The following BIN3 variants were observed in gnomAD, a reference collection of about 807,000 sequenced individuals.
The protein encoded by BIN3 is bridging integrator 3.
BIN3 carries 41 observed loss-of-function variants against 38.2 expected under a neutral mutation model. The ratio of observed to expected loss-of-function variants is 1.07; its 90% CI spans 0.84 to 1.39. BIN3 has a LOEUF of 1.39. Among genes scored for constraint, BIN3 ranks in the 40% most tolerant of loss-of-function variants. BIN3 has a pLI of 0.00. For synonymous variants in BIN3, 145 were observed against 122.6 expected, an observed-to-expected ratio of 1.18 and a Z score of -1.21; for missense variants, 361 against 324.3, an observed-to-expected ratio of 1.11 and a Z score of -0.87.
At chr8:22,639,827 T>C (rs575717826) in intron 2 of BIN3, among the ~76,000 whole-genome samples, 57 of 151,848 alleles carry the variant, frequency 3.8e-4, no homozygotes, top group Non-Finnish European at 6.6e-4. Context: ...GCTTGGGTGT[T>C]GTGATAATGC....
At chr8:22,644,437 A>G (rs933151320) in intron 2 of BIN3, among the ~76,000 whole-genome samples, 1 of 152,274 alleles carries the variant, frequency 6.6e-6, no homozygotes, top group African/African-American at 2.4e-5. Flanking sequence ...ACTCTTAGGA[A>G]AAGTATAGAC....
At chr8:22,662,909 G>A (rs773440484) in intron 1 of BIN3, among the ~76,000 whole-genome samples, 3 of 152,190 alleles carry the variant, frequency 2.0e-5, no homozygotes, top group Admixed American at 6.5e-5. Context: ...GGCCAAGACG[G>A]GTGGATTACT....
chr8:22,641,210 T>C (rs113326510), intron 2 of BIN3, among the ~76,000 whole-genome samples: 10 of 146,940 alleles, frequency 6.8e-5, no homozygotes, highest in Admixed American at 5.3e-4. Context: ...TATAAACACA[T>C]GTGCACGGAC....
intron 2 of BIN3, among the ~76,000 whole-genome samples, chr8:22,642,948 C>A (rs1309387060): frequency 2.6e-5 from 4 of 152,346 alleles, no homozygotes; most frequent in Admixed American, 6.5e-5. Context: ...CACTGCGAGT[C>A]CTTGCCACTC....
intron 6 of BIN3, chr8:22,625,937 A>G (rs1300788927): frequency 3.3e-5 from 5 of 149,814 alleles, no homozygotes; most frequent in Admixed American, 2.7e-4. Flanking sequence ...GGTAAGAGTA[A>G]TGAACAGTTT....
chr8:22,660,031 C>T (rs1240672182), intron 1 of BIN3, among the ~76,000 whole-genome samples: 1 of 152,126 alleles, frequency 6.6e-6, no homozygotes, highest in Non-Finnish European at 1.5e-5. Context: ...TGGGGGCAAA[C>T]AGCTGTCCCA....
chr8:22,653,863 T>A (rs1042259189), intron 1 of BIN3, among the ~76,000 whole-genome samples: 1 of 121,736 alleles, frequency 8.2e-6, no homozygotes, highest in Non-Finnish European at 1.6e-5. Context: ...CACCTTTGTG[T>A]CCCCTGGTAC....
chr8:22,621,652 A>AC, intron 8 of BIN3, 84 bp from the exon 9 acceptor site: 2 of 1,392,244 alleles, frequency 1.4e-6, no homozygotes, highest in Non-Finnish European at 2.0e-6. Flanking sequence ...CTTCTCTGCT[A>AC]CCCCCTGCCC....
At chr8:22,635,536 G>A (rs1282086312) in intron 4 of BIN3, among the ~76,000 whole-genome samples, 5 of 152,114 alleles carry the variant, frequency 3.3e-5, no homozygotes, top group East Asian at 1.9e-4. Flanking sequence ...GCTTGCTGCC[G>A]ACCATGACGA....
chr8:22,621,909 G>A (rs1563938536), intron 8 of BIN3, among the ~76,000 whole-genome samples: 1 of 152,240 alleles, frequency 6.6e-6, no homozygotes, highest in Admixed American at 6.5e-5. Context: ...AGCTAGGGGA[G>A]AACCCAAGGC....
chr8:22,625,407 T>C (rs1191442691), intron 6 of BIN3: 1 of 702,408 alleles, frequency 1.4e-6, no homozygotes, highest in Non-Finnish European at 2.6e-6. Context: ...GAAGAGTTGG[T>C]TCCTCCTGGA....
At chr8:22,658,697 G>A (rs531445370) in intron 1 of BIN3, among the ~76,000 whole-genome samples, 3 of 152,226 alleles carry the variant, frequency 2.0e-5, no homozygotes, top group African/African-American at 7.2e-5. Context: ...CCTGGCTTGG[G>A]GATGGAAAGA....
chr8:22,646,591 C>T (rs1360273109), intron 1 of BIN3, among the ~76,000 whole-genome samples: 1 of 152,152 alleles, frequency 6.6e-6, no homozygotes, highest in Non-Finnish European at 1.5e-5. Context: ...GTTAACCCAG[C>T]CCCATAATTT....
chr8:22,625,612 G>A (rs1295832534), intron 6 of BIN3: 1 of 582,618 alleles, frequency 1.7e-6, no homozygotes, highest in Non-Finnish European at 3.1e-6. Context: ...TTTTGAGACA[G>A]AGTCTTGCTC....
intron 4 of BIN3, among the ~76,000 whole-genome samples, chr8:22,632,705 C>CTTTT (rs373810993): frequency 0.032 from 4,274 of 132,088 alleles, 240 homozygotes; most frequent in East Asian, 0.12. Flanking sequence ...TTCCACTTTC[C>CTTTT]TTTTTTTTTT....
intron 6 of BIN3, among the ~76,000 whole-genome samples, chr8:22,626,999 G>C (rs903177927): frequency 6.6e-6 from 1 of 152,190 alleles, no homozygotes; most frequent in Non-Finnish European, 1.5e-5. Context: ...GTGGCCACCT[G>C]GCTGCATGGG....
chr8:22,665,438 A>T (rs1022075796), intron 1 of BIN3, among the ~76,000 whole-genome samples: 5 of 152,236 alleles, frequency 3.3e-5, no homozygotes, highest in African/African-American at 1.2e-4. Context: ...ACAGACAAGT[A>T]AACCAGCCAG....
rs1232120480 is a variant in BIN3 at position 22,620,585 on chromosome 8, CCGGGGA to C, written c.*831_*836del. 2 of 152,186 alleles carry C rather than the reference CCGGGGA, an allele frequency of 1.3e-5. No homozygotes were observed. Among genetic ancestry groups the C allele is most frequent in the Non-Finnish European group, 2.9e-5 (2 of 68,038 alleles). 9.4% of individuals were successfully genotyped at this position (152,186 alleles called of 1,614,324 possible). A position where few individuals can be genotyped will look rare whatever the true frequency, so the allele number is the denominator to read the frequency against. On this transcript the variant is annotated 3_prime_UTR_variant, in exon 9 of 9. Coordinates refer to ENST00000276416, the MANE Select transcript of BIN3 (RefSeq NM_018688.6). ...GTTCGCTCCAGAAGGTGGGCCAGGG[CCGGGGA>C]GGTGCGCACACACCCCTGGCATGCT...
rs1801931790 is a variant in BIN3, at chr8:22,624,132, C to T, written c.481-83G>A. On this transcript the variant is annotated intron_variant, in intron 7 of 8. Transcript: ENST00000276416. ...TGGGTGGGGTGGGGACGTCTGGTGT[C>T]TTGGTGCCCCCAGGTGAGGGGAGGG... The T allele has an allele frequency of 3.8e-6, 6 of 1,587,802 alleles. No homozygotes were observed. In the Admixed American group the frequency reaches 1.0e-4, roughly 27 times the overall value.
Sources: gnomAD v4.1 joint callset for allele counts (sites outside exome capture counted in the v4.1 genomes callset) on GRCh38, gnomAD v4.1.1 for gene constraint, MANE v1.5 for transcripts, NCBI Gene and HGNC (gene_info 2026-07-23, HGNC 2026-07-21) for gene names.